The following LRMDA variants were observed in gnomAD, a reference collection of about 807,000 sequenced individuals.
LRMDA encodes the protein leucine rich melanocyte differentiation associated.
A neutral mutation model predicts 29.8 loss-of-function variants in LRMDA; 18 were observed. The ratio of observed to expected loss-of-function variants is 0.60; its 90% CI spans 0.42 to 0.90. LRMDA has a LOEUF of 0.90. LRMDA is among the 40% of genes least tolerant of loss of function. The probability of loss-of-function intolerance (pLI) is 0.00; values close to 1 mark genes in which losing one functional copy is unlikely to be tolerated. For missense variants in LRMDA, 273 were observed against 273.9 expected (o/e 1.00, Z 0.02); for synonymous variants, 125 against 109.4 (o/e 1.14, Z -0.89).
intron 6 of LRMDA, among the ~76,000 whole-genome samples, chr10:76,545,427 C>T (rs1907306): frequency 0.07 from 10,550 of 151,670 alleles, 530 homozygotes; most frequent in Non-Finnish European, 0.11. Context: ...TTTCTTCATA[C>T]AAGATTCTGT....
chr10:75,690,646 A>C (rs1842133353), intron 2 of LRMDA, among the ~76,000 whole-genome samples: 1 of 151,870 alleles, frequency 6.6e-6, no homozygotes, highest in Admixed American at 6.6e-5. Context: ...TTTATACATA[A>C]ATATGTTTCA....
chr10:75,784,566 G>T (rs1434884712), intron 2 of LRMDA, among the ~76,000 whole-genome samples: 1 of 152,072 alleles, frequency 6.6e-6, no homozygotes, highest in African/African-American at 2.4e-5. Context: ...GGGCTTGGTG[G>T]TGGGTGCCTG....
intron 6 of LRMDA, among the ~76,000 whole-genome samples, chr10:76,527,868 T>C (rs1433034407): frequency 1.3e-5 from 2 of 152,166 alleles, no homozygotes; most frequent in African/African-American, 4.8e-5. Context: ...GGTGAAGCCA[T>C]ATTGAGCATC....
chr10:75,867,378 G>A (rs770700451), intron 2 of LRMDA, among the ~76,000 whole-genome samples: 11 of 152,098 alleles, frequency 7.2e-5, no homozygotes, highest in Non-Finnish European at 1.5e-4. Flanking sequence ...AGCCAGGGTG[G>A]TCGCGATCTC....
At chr10:75,777,893 T>C (rs887605088) in intron 2 of LRMDA, among the ~76,000 whole-genome samples, 4 of 152,210 alleles carry the variant, frequency 2.6e-5, no homozygotes, top group Admixed American at 6.5e-5. Flanking sequence ...TGAATAGTTA[T>C]ATATAATGCA....
intron 6 of LRMDA, among the ~76,000 whole-genome samples, chr10:76,336,562 C>T (rs1488657515): frequency 6.6e-6 from 1 of 152,120 alleles, no homozygotes; most frequent in African/African-American, 2.4e-5. Context: ...TGTTTCTCAA[C>T]TAAATGACAA....
At chr10:76,355,024 A>G (rs1841222498) in intron 6 of LRMDA, among the ~76,000 whole-genome samples, 1 of 152,026 alleles carries the variant, frequency 6.6e-6, no homozygotes, top group South Asian at 2.1e-4. Flanking sequence ...GCTGTCCTTC[A>G]AATTCAACTC....
chr10:76,166,280 G>T (rs1850738909), intron 5 of LRMDA, among the ~76,000 whole-genome samples: 1 of 152,150 alleles, frequency 6.6e-6, no homozygotes, highest in East Asian at 1.9e-4. Context: ...TTGGTTCTTT[G>T]TTAAAATGGT....
intron 2 of LRMDA, among the ~76,000 whole-genome samples, chr10:75,622,384 G>T (rs1209999940): frequency 6.6e-6 from 1 of 152,176 alleles, no homozygotes; most frequent in Admixed American, 6.5e-5. Flanking sequence ...GTGTGTGTGT[G>T]TGTAATTATC....
At chr10:75,929,821 G>A (rs982090541) in intron 2 of LRMDA, among the ~76,000 whole-genome samples, 5 of 152,250 alleles carry the variant, frequency 3.3e-5, no homozygotes, top group East Asian at 1.9e-4. Flanking sequence ...AAATAATGTC[G>A]TCAGGAGTTT....
At chr10:76,178,848 A>T (rs917339072) in intron 5 of LRMDA, among the ~76,000 whole-genome samples, 4 of 152,212 alleles carry the variant, frequency 2.6e-5, no homozygotes, top group Non-Finnish European at 4.4e-5. Flanking sequence ...GACACCTCTC[A>T]GAGGAAATCC....
rs35143239 is a variant in LRMDA at position 76,224,667 on chromosome 10, C to CTTTT, written c.517-99714_517-99711dup. Reference sequence around the variant, plus strand: ...CAATAAAATAATAATGTCTAGGACTCTTTTTTTTTTTTTTTTTTTTTTTAC... The same window carrying CTTTT: ...CAATAAAATAATAATGTCTAGGACTCTTTTTTTTTTTTTTTTTTTTTTTTTTTAC... On this transcript the variant is annotated intron_variant, in intron 5 of 6. Transcript: ENST00000611255. Among the ~76,000 whole-genome samples, 579 of 105,320 alleles carry CTTTT rather than the reference C, an allele frequency of 5.5e-3. 11 individuals are homozygous for CTTTT. The highest frequency in any genetic ancestry group is 0.011 in the South Asian group (31 of 2,916). 69.1% of individuals were successfully genotyped at this position (105,320 alleles called of 152,430 possible).
At chr10:75,634,039 T>A (rs1841359978) in intron 2 of LRMDA, among the ~76,000 whole-genome samples, 1 of 152,238 alleles carries the variant, frequency 6.6e-6, no homozygotes, top group Non-Finnish European at 1.5e-5. Context: ...TTTATTAATA[T>A]AAACAATCTC....
chr10:76,066,578 C>T (rs961540609), intron 5 of LRMDA, among the ~76,000 whole-genome samples: 15 of 152,158 alleles, frequency 9.9e-5, no homozygotes, highest in Non-Finnish European at 1.8e-4. Flanking sequence ...CCCACTGTAT[C>T]CCTTACATTT....
At chr10:75,762,752 C>A (rs1333712766) in intron 2 of LRMDA, among the ~76,000 whole-genome samples, 2 of 152,116 alleles carry the variant, frequency 1.3e-5, no homozygotes, top group Non-Finnish European at 2.9e-5. Flanking sequence ...GAATCCCTGG[C>A]CTCATAGTAA....
At chr10:76,027,103 A>T (rs2132497455) in intron 2 of LRMDA, among the ~76,000 whole-genome samples, 1 of 152,276 alleles carries the variant, frequency 6.6e-6, no homozygotes, top group Admixed American at 6.5e-5. Flanking sequence ...TGTCTCAATC[A>T]CTGTTTCTTA....
chr10:76,350,748 CTG>C (rs1316503759), intron 6 of LRMDA, among the ~76,000 whole-genome samples: 1 of 152,148 alleles, frequency 6.6e-6, no homozygotes, highest in African/African-American at 2.4e-5. Context: ...TGCAGGAACA[CTG>C]TGTAGTGGTT....
intron 6 of LRMDA, among the ~76,000 whole-genome samples, chr10:76,479,749 A>G (rs1308818444): frequency 1.3e-5 from 2 of 151,946 alleles, no homozygotes; most frequent in African/African-American, 2.4e-5. Flanking sequence ...TAAAAAGAGT[A>G]TGACGGGTCG....
At chr10:75,855,323 G>A (rs1844806694) in intron 2 of LRMDA, among the ~76,000 whole-genome samples, 1 of 152,206 alleles carries the variant, frequency 6.6e-6, no homozygotes, top group African/African-American at 2.4e-5. Context: ...GGCCAGTGAT[G>A]ATGAGCATTT....
Sources: gnomAD v4.1 joint callset for allele counts (sites outside exome capture counted in the v4.1 genomes callset) on GRCh38, gnomAD v4.1.1 for gene constraint, MANE v1.5 for transcripts, NCBI Gene and HGNC (gene_info 2026-07-23, HGNC 2026-07-21) for gene names.